The following TMEM270 variants were observed in gnomAD, a reference collection of about 807,000 sequenced individuals.
The protein encoded by TMEM270 is Williams-Beuren syndrome chromosome region 28.
A neutral mutation model predicts 29.9 loss-of-function variants in TMEM270; 30 were observed. The ratio of observed to expected loss-of-function variants is 1.00; its 90% CI spans 0.75 to 1.36. The LOEUF (loss-of-function observed/expected upper bound fraction) is 1.36, where lower values mean the gene tolerates loss of function less well. Ranked by LOEUF, TMEM270 falls within the 40% of genes most tolerant of loss-of-function variation. The probability of loss-of-function intolerance (pLI) is 0.00; values close to 1 mark genes in which losing one functional copy is unlikely to be tolerated. For missense variants in TMEM270, 313 were observed against 307.1 expected (o/e 1.02, Z -0.14); for synonymous variants, 135 against 139.8 (o/e 0.97, Z 0.24).
chr7:73,865,316 G>A lies in TMEM270; in HGVS notation c.396G>A (p.Leu132=). The A allele has an allele frequency of 6.2e-7, 1 of 1,613,516 alleles. No homozygotes were observed. The highest frequency in any genetic ancestry group is 8.5e-7 in the Non-Finnish European group (1 of 1,179,978). ...LSVAIWTDLF[L]SCLHGLMLVA... ...TGGCCATCTGGACAGATCTGTTTTTGTCATGTCTGCACGGCCTGATGTTGG... is the reference window on the plus strand; with the variant it reads ...TGGCCATCTGGACAGATCTGTTTTTATCATGTCTGCACGGCCTGATGTTGG... The change falls in exon 2 of 3, where the codon TTG becomes TTA. Residue 132 remains leucine (L), a synonymous_variant. Coordinates refer to ENST00000320531, the MANE Select transcript of TMEM270 (RefSeq NM_182504.4).
In TMEM270 at chr7:73,865,240, A is replaced by AGGGCCT. The variant is rs1308049245; in HGVS notation, c.329_334dup (p.Gly110_Leu111dup). On this transcript the variant is annotated inframe_insertion, in exon 2 of 3. Coordinates refer to ENST00000320531, the MANE Select transcript of TMEM270 (RefSeq NM_182504.4). The stretch of plus-strand genomic sequence containing the variant: ...TGGGCTGGCATGTGGGGCAGCACCA[A>AGGGCCT]GGGCCTGGGCCTGGCCTTGCTCAGT... The AGGGCCT allele has an allele frequency of 9.9e-6, 16 of 1,613,484 alleles. No homozygotes were observed. Among genetic ancestry groups the AGGGCCT allele is most frequent in the African/African-American group, 2.7e-5 (2 of 74,900 alleles).
chr7:73,862,072 C>G (rs1788799549), intron 1 of TMEM270, among the ~76,000 whole-genome samples: 1 of 151,362 alleles, frequency 6.6e-6, no homozygotes, highest in South Asian at 2.1e-4. Context: ...GCTGGGATTA[C>G]AGACATAAGC....
At chr7:73,864,198 G>A (rs1228545201) in intron 1 of TMEM270, among the ~76,000 whole-genome samples, 4 of 150,634 alleles carry the variant, frequency 2.7e-5, no homozygotes, top group African/African-American at 9.8e-5. Context: ...AATGGGGGGA[G>A]GATTGCTTGA....
intron 1 of TMEM270, among the ~76,000 whole-genome samples, chr7:73,864,285 G>A (rs1308879294): frequency 6.6e-6 from 1 of 151,114 alleles, no homozygotes; most frequent in Non-Finnish European, 1.5e-5. Context: ...AAATTAGCCA[G>A]GCATGGTGGC....
intron 1 of TMEM270, 51 bp downstream of exon 1, chr7:73,861,317 C>T (rs2130597580): frequency 6.4e-7 from 1 of 1,558,872 alleles, no homozygotes; most frequent in South Asian, 1.2e-5. Flanking sequence ...CCAGGCCCTT[C>T]ACAGAGCCAC....
intron 1 of TMEM270, among the ~76,000 whole-genome samples, chr7:73,863,251 C>T (rs1462131898): frequency 6.6e-6 from 1 of 152,106 alleles, no homozygotes; most frequent in African/African-American, 2.4e-5. Context: ...CACTCAAGGG[C>T]TGGGGGCTTT....
intron 1 of TMEM270, among the ~76,000 whole-genome samples, chr7:73,862,872 GAAAAAA>G (rs71082281): frequency 4.5e-5 from 2 of 44,084 alleles, no homozygotes; most frequent in African/African-American, 9.4e-5. Flanking sequence ...CCCTGTCTCA[GAAAAAA>G]AAAAAAAAAA....
chr7:73,865,534 T>C (rs782519405), intron 2 of TMEM270, 43 bp from the exon 3 acceptor site: 2 of 1,595,308 alleles, frequency 1.3e-6, no homozygotes, highest in Admixed American at 3.4e-5. Flanking sequence ...TGTAACCCTA[T>C]GAGCTCCTAA....
intron 1 of TMEM270, among the ~76,000 whole-genome samples, chr7:73,863,913 G>A (rs181593443): frequency 9.7e-4 from 148 of 152,168 alleles, no homozygotes; most frequent in African/African-American, 3.4e-3. Flanking sequence ...CAGGATTGGG[G>A]TGGGGGATCG....
At chr7:73,862,361 C>A (rs1185615872) in intron 1 of TMEM270, among the ~76,000 whole-genome samples, 4 of 151,714 alleles carry the variant, frequency 2.6e-5, no homozygotes, top group African/African-American at 7.3e-5. Context: ...CCACCTCGGC[C>A]TCCCAAAGTT....
intron 1 of TMEM270, among the ~76,000 whole-genome samples, chr7:73,864,647 A>T (rs1696104390): frequency 6.6e-6 from 1 of 151,574 alleles, no homozygotes; most frequent in African/African-American, 2.4e-5. Flanking sequence ...TCACGCCTGT[A>T]ATCCCAGCAC....
Position 73,864,936 on chromosome 7 carries a change from T to C in TMEM270, c.73-57T>C, listed in dbSNP as rs552720485. 27 of 1,317,718 alleles carry C rather than the reference T, an allele frequency of 2.0e-5. No homozygotes were observed. The Admixed American group carries it at 2.7e-4, about 13-fold the overall frequency. The allele number at this position is 1,317,718 out of a possible 1,614,324, so 81.6% of individuals were successfully genotyped here. ...AAAAAAAGAAAAAGAAAAAGTGGGG[T>C]TCCTGTCCCAGGAGGGTGATGATGG... On this transcript the variant is annotated intron_variant, in intron 1 of 2. Coordinates refer to ENST00000320531, the MANE Select transcript of TMEM270 (RefSeq NM_182504.4).
At position 73,861,250 on chromosome 7, in the gene TMEM270, C is replaced by A; in HGVS notation, c.56C>A (p.Thr19Lys). ...CTTTTGGGGATCCTGTTGCAGGTTA[C>A]GAGGCTCTCAGTGCTGGTGAGTGGG... is the stretch of plus-strand genomic sequence containing the variant. Reference protein sequence around the residue: ...SSLLGILLQVTRLSVLLVQNR... With the variant: ...SSLLGILLQVKRLSVLLVQNR... The change falls in exon 1 of 3, where the codon ACG becomes AAG. Residue 19 changes from threonine (T) to lysine (K), a missense_variant. Coordinates refer to ENST00000320531, the MANE Select transcript of TMEM270 (RefSeq NM_182504.4). 1 of 1,607,472 alleles carries A rather than the reference C, an allele frequency of 6.2e-7. No individual in the cohort carries two copies. Among genetic ancestry groups the A allele is most frequent in the Non-Finnish European group, 8.5e-7 (1 of 1,176,018 alleles).
At chr7:73,865,533 A>G (rs781842731) in intron 2 of TMEM270, 44 bp from the exon 3 acceptor site, 2 of 1,597,340 alleles carry the variant, frequency 1.3e-6, no homozygotes, top group Non-Finnish European at 8.5e-7. Flanking sequence ...GTGTAACCCT[A>G]TGAGCTCCTA....
At chr7:73,864,190 T>TG (rs1443413876) in intron 1 of TMEM270, among the ~76,000 whole-genome samples, 1 of 140,764 alleles carries the variant, frequency 7.1e-6, no homozygotes, top group African/African-American at 2.7e-5. Flanking sequence ...GGGAGGCTAA[T>TG]GGGGGGAGGA....
At chr7:73,862,252 G>A (rs142337635) in intron 1 of TMEM270, among the ~76,000 whole-genome samples, 4,752 of 148,938 alleles carry the variant, frequency 0.032, 225 homozygotes, top group African/African-American at 0.11. Context: ...GATTACAGGC[G>A]TGCGCCACCA....
At position 73,865,690 on chromosome 7, in the gene TMEM270, C is replaced by T. The variant is rs1136647; in HGVS notation, c.615C>T (p.Thr205=). Residue 205 remains threonine (T), a synonymous_variant, in exon 3 of 3, where the codon ACC becomes ACT. Transcript: ENST00000320531. ...LTSWHLAYLI[T]WTTCLASHLL... ...CCTGGCACCTGGCCTATCTCATCAC[C>T]TGGACCACCTGCCTGGCCTCCCACC... 896,212 of 1,613,870 alleles carry T rather than the reference C, an allele frequency of 0.56. 253,856 individuals are homozygous for T. The highest frequency in any genetic ancestry group is 0.59 in the Non-Finnish European group (698,132 of 1,179,944).
chr7:73,861,158 T>A, upstream of TMEM270: 1 of 1,609,728 alleles, frequency 6.2e-7, no homozygotes, highest in Non-Finnish European at 8.5e-7. Flanking sequence ...GAGGTCACCC[T>A]GCTTCTCCCA....
At chr7:73,862,572 A>G (rs544934550) in intron 1 of TMEM270, among the ~76,000 whole-genome samples, 14 of 150,358 alleles carry the variant, frequency 9.3e-5, no homozygotes, top group Admixed American at 3.3e-4. Context: ...TTAGATTTGC[A>G]TCTTGGGACC....
Sources: allele counts gnomAD v4.1 joint callset (sites outside exome capture counted in the v4.1 genomes callset), GRCh38; gene constraint gnomAD v4.1.1; transcripts MANE v1.5; gene names NCBI Gene and HGNC (gene_info 2026-07-23, HGNC 2026-07-21).